SPARCL1: variants seen among roughly 807,000 people sequenced by gnomAD.
SPARCL1 encodes the protein SPARC like 1.
Under a neutral mutation model 67.1 loss-of-function variants are expected in SPARCL1, and 52 were observed. The ratio of observed to expected loss-of-function variants is 0.78; its 90% CI spans 0.62 to 0.98. The LOEUF is 0.98. Ranked by LOEUF, SPARCL1 falls within the 50% of genes least tolerant of loss-of-function variation. The pLI is 0.00. For missense variants in SPARCL1, 717 were observed against 782.4 expected (o/e 0.92, Z 1.00); for synonymous variants, 226 against 267.8 (o/e 0.84, Z 1.52).
chr4:87,490,420 C>T, intron 6 of SPARCL1, 27 bp from the exon 7 acceptor site: 1 of 1,589,702 alleles, frequency 6.3e-7, no homozygotes, highest in Non-Finnish European at 8.5e-7. Flanking sequence ...GAAGAAAAAG[C>T]TGATAGAGCC....
chr4:87,487,325 A>T (rs1724116946), intron 7 of SPARCL1, among the ~76,000 whole-genome samples: 1 of 152,068 alleles, frequency 6.6e-6, no homozygotes, highest in Non-Finnish European at 1.5e-5. Context: ...TTATCTGTAA[A>T]ATATTTTATT....
chr4:87,522,640 AACACACACACACAC>A (rs57929830), intron 1 of SPARCL1, among the ~76,000 whole-genome samples: 87 of 131,896 alleles, frequency 6.6e-4, no homozygotes, highest in East Asian at 5.4e-3. Context: ...ACCACCACCA[AACACACACACACAC>A]ACACACACAC....
At chr4:87,511,510 A>G (rs7681217) in intron 1 of SPARCL1, among the ~76,000 whole-genome samples, 8,341 of 152,198 alleles carry the variant, frequency 0.055, 732 homozygotes, top group African/African-American at 0.19. Context: ...ATGCTGTAGC[A>G]TGAGCAGTTA....
At chr4:87,493,036 G>T (rs2110227715) in intron 4 of SPARCL1, among the ~76,000 whole-genome samples, 1 of 152,302 alleles carries the variant, frequency 6.6e-6, no homozygotes, top group South Asian at 2.1e-4. Context: ...AGCAGCAGTT[G>T]CCAGTATCTC....
At chr4:87,520,947 T>C (rs1725786673) in intron 1 of SPARCL1, among the ~76,000 whole-genome samples, 1 of 152,186 alleles carries the variant, frequency 6.6e-6, no homozygotes. Flanking sequence ...TGTCTAAAGT[T>C]TGGCATACAC....
intron 3 of SPARCL1, 86 bp from the exon 4 acceptor site, chr4:87,494,684 T>A: frequency 9.1e-7 from 1 of 1,101,270 alleles, no homozygotes; most frequent in Non-Finnish European, 1.3e-6. Flanking sequence ...TTCATTATTC[T>A]TTTTCTTCAC....
chr4:87,488,418 C>T (rs1724163981), intron 7 of SPARCL1, among the ~76,000 whole-genome samples: 1 of 152,196 alleles, frequency 6.6e-6, no homozygotes, highest in South Asian at 2.1e-4. Flanking sequence ...GTGTCACCAG[C>T]AGAGGCTTCA....
At chr4:87,476,253 C>G (rs1433946964) in intron 10 of SPARCL1, among the ~76,000 whole-genome samples, 1 of 152,190 alleles carries the variant, frequency 6.6e-6, no homozygotes, top group African/African-American at 2.4e-5. Flanking sequence ...AGTCTCTCAC[C>G]TGTCTGCTCT....
chr4:87,494,847 G>A, intron 3 of SPARCL1, 134 bp downstream of exon 3: 3 of 804,392 alleles, frequency 3.7e-6, no homozygotes, highest in Non-Finnish European at 5.7e-6. Flanking sequence ...GTGATTGGAG[G>A]CAGTTGAGGT....
intron 7 of SPARCL1, among the ~76,000 whole-genome samples, chr4:87,489,630 C>T (rs1724227869): frequency 6.6e-6 from 1 of 152,186 alleles, no homozygotes; most frequent in South Asian, 2.1e-4. Flanking sequence ...AACCATACCC[C>T]AGCTCTTGAA....
intron 2 of SPARCL1, 153 bp from the exon 3 acceptor site, chr4:87,495,280 C>T: frequency 3.2e-6 from 2 of 615,544 alleles, no homozygotes; most frequent in Non-Finnish European, 5.4e-6. Context: ...AGGATATAAG[C>T]AGATGCCTAG....
In SPARCL1 at chr4:87,473,869, T is replaced by C; in HGVS notation, c.1967-66A>G. 1 of 1,115,522 alleles carries C rather than the reference T, an allele frequency of 9.0e-7. No individual in the cohort carries two copies. 69.1% of individuals were successfully genotyped at this position (1,115,522 alleles called of 1,614,324 possible). A position where few individuals can be genotyped will look rare whatever the true frequency, so the allele number is the denominator to read the frequency against. ...AGCCAGAGTAGTAGCACAAACAATA[T>C]TAGAGTTGGGGGATTAGAGAAACCA... On this transcript the variant is annotated intron_variant, in intron 10 of 10. Coordinates refer to ENST00000282470, the MANE Select transcript of SPARCL1 (RefSeq NM_004684.6).
At chr4:87,508,551 C>T (rs565929919) in intron 1 of SPARCL1, among the ~76,000 whole-genome samples, 3 of 151,864 alleles carry the variant, frequency 2.0e-5, no homozygotes, top group Non-Finnish European at 4.4e-5. Context: ...TGGGGCAGAA[C>T]CCCTTCTGAA....
At chr4:87,513,167 C>A (rs1725443530) in intron 1 of SPARCL1, among the ~76,000 whole-genome samples, 1 of 152,184 alleles carries the variant, frequency 6.6e-6, no homozygotes, top group Non-Finnish European at 1.5e-5. Flanking sequence ...GTTATACATT[C>A]CTTGTATTTA....
intron 7 of SPARCL1, among the ~76,000 whole-genome samples, chr4:87,487,519 C>T (rs2110220641): frequency 6.6e-6 from 1 of 152,256 alleles, no homozygotes; most frequent in Non-Finnish European, 1.5e-5. Flanking sequence ...TCTGGCTGCC[C>T]TTAACATTTT....
At chr4:87,522,712 A>G (rs1221715763) in intron 1 of SPARCL1, among the ~76,000 whole-genome samples, 2 of 151,532 alleles carry the variant, frequency 1.3e-5, no homozygotes, top group African/African-American at 4.9e-5. Context: ...CTCTATTCAG[A>G]CTTCAGATCA....
chr4:87,494,865 A>C (rs1410645018), intron 3 of SPARCL1, 116 bp downstream of exon 3: 1 of 973,898 alleles, frequency 1.0e-6, no homozygotes, highest in East Asian at 2.6e-5. Flanking sequence ...GGTGATCATC[A>C]TGTTTTAAAA....
chr4:87,508,935 G>A (rs1428968340), intron 1 of SPARCL1, among the ~76,000 whole-genome samples: 1 of 144,608 alleles, frequency 6.9e-6, no homozygotes, highest in Non-Finnish European at 1.5e-5. Context: ...TACTATGTAT[G>A]TGCACCTGGA....
Position 87,506,814 on chromosome 4 carries a change from T to G in SPARCL1, c.-11-7229A>C, listed in dbSNP as rs1461340262. ...CTATCTATCTATCTATCTATCTATC[T>G]ATCTATCTATCTACCTACCTACCTA... On this transcript the variant is annotated intron_variant, in intron 1 of 10. Transcript: ENST00000282470. Among the ~76,000 whole-genome samples, 3 of 149,254 alleles carry G rather than the reference T, an allele frequency of 2.0e-5. No homozygotes were observed. The East Asian group carries it at 5.8e-4, about 29-fold the overall frequency.
Sources: gnomAD v4.1 joint callset for allele counts (sites outside exome capture counted in the v4.1 genomes callset) on GRCh38, gnomAD v4.1.1 for gene constraint, MANE v1.5 for transcripts, NCBI Gene and HGNC (gene_info 2026-07-23, HGNC 2026-07-21) for gene names.